The following RAB27A variants were observed in gnomAD, a reference collection of about 807,000 sequenced individuals.
RAB27A encodes ras-related protein Rab-27A.
RAB27A carries 17 observed loss-of-function variants against 20.8 expected under a neutral mutation model. That is an observed-to-expected ratio of 0.82 (90% confidence interval 0.56 to 1.23). RAB27A has a LOEUF of 1.23. RAB27A is among the 50% of genes most tolerant of loss of function. RAB27A has a pLI of 0.00. For missense variants in RAB27A, 277 were observed against 266.7 expected (o/e 1.04, Z -0.27); for synonymous variants, 85 against 92.8 (o/e 0.92, Z 0.48).
chr15:55,282,105 T>C (rs1410506266), intron 1 of RAB27A, among the ~76,000 whole-genome samples: 1 of 152,204 alleles, frequency 6.6e-6, no homozygotes, highest in African/African-American at 2.4e-5. Flanking sequence ...ATATACTTGT[T>C]TCACCTCCTA....
chr15:55,262,528 T>C (rs1412449911), intron 2 of RAB27A, among the ~76,000 whole-genome samples: 22 of 125,590 alleles, frequency 1.8e-4, no homozygotes, highest in African/African-American at 5.7e-4. Flanking sequence ...GGCAACAGAG[T>C]GAGACTCTGA....
intron 3 of RAB27A, among the ~76,000 whole-genome samples, chr15:55,234,242 A>C (rs1212520458): frequency 6.6e-6 from 1 of 152,178 alleles, no homozygotes; most frequent in Non-Finnish European, 1.5e-5. Flanking sequence ...GTCCTTAAAA[A>C]ATAAATAAAT....
At chr15:55,249,827 T>C (rs964626141) in intron 2 of RAB27A, among the ~76,000 whole-genome samples, 1 of 152,186 alleles carries the variant, frequency 6.6e-6, no homozygotes, top group African/African-American at 2.4e-5. Context: ...TAAAGCATAA[T>C]AAAAGAACAA....
Position 55,230,424 on chromosome 15 carries a change from T to C in RAB27A, c.216A>G (p.Leu72=). The C allele has an allele frequency of 1.2e-6, 2 of 1,613,464 alleles. No individual in the cohort carries two copies. The highest frequency in any genetic ancestry group is 1.7e-6 in the Non-Finnish European group (2 of 1,179,380). Residue 72 remains leucine, a synonymous_variant, in exon 4 of 7, where the codon TTA becomes TTG. Coordinates refer to ENST00000336787, the MANE Select transcript of RAB27A (RefSeq NM_183235.3). ...ACCTCTCCTGCCCTGCTGTGTCCCA[T>C]AACTGCAGGTGGATTCTCTGGCCTC... ...TGRGQRIHLQ[L]WDTAGQERFR... is the part of the protein sequence containing the mutation.
rs541791636 is a variant in RAB27A at position 55,315,266 on chromosome 15, T to TG, written c.-233-1107dup. ...ACCTTATACAAAAATTAACTCAAGA[T>TG]GGACTAATAACTTAAATGGAAAACC... On this transcript the variant is annotated intron_variant, in intron 1 of 5. Coordinates refer to the RAB27A transcript ENST00000563262. Among the ~76,000 whole-genome samples the TG allele has an allele frequency of 5.6e-4, 86 of 152,262 alleles. 3 individuals are homozygous for TG. The South Asian group carries it at 0.018, about 31-fold the overall frequency.
chr15:55,239,452 C>G (rs1896393848), intron 2 of RAB27A, among the ~76,000 whole-genome samples: 1 of 152,042 alleles, frequency 6.6e-6, no homozygotes, highest in Non-Finnish European at 1.5e-5. Flanking sequence ...TATTCTGTAT[C>G]CAAAAATTTA....
intron 6 of RAB27A, among the ~76,000 whole-genome samples, chr15:55,217,330 A>G (rs1895351977): frequency 6.6e-6 from 1 of 152,074 alleles, no homozygotes; most frequent in Non-Finnish European, 1.5e-5. Context: ...TGAGAGCCAT[A>G]GAAAAGACCC....
chr15:55,228,589 T>C lies in RAB27A; in HGVS notation c.343+20A>G, dbSNP rs1895902281. 6.5e-7 allele frequency: 1 copy of C among 1,531,898 alleles called. No individual in the cohort carries two copies. 94.9% of individuals were successfully genotyped at this position (1,531,898 alleles called of 1,614,324 possible). The stretch of plus-strand genomic sequence containing the variant: ...AAGAGGGGACTGTGTAGCAGGACAC[T>C]GGGGAACAATAACACTTACTTATCC... On this transcript the variant is annotated intron_variant, in intron 5 of 6. Transcript: ENST00000336787.
intron 2 of RAB27A, among the ~76,000 whole-genome samples, chr15:55,299,111 C>T (rs977328660): frequency 3.9e-5 from 6 of 152,130 alleles, no homozygotes; most frequent in Admixed American, 2.0e-4. Flanking sequence ...AAAATCACAA[C>T]GGTATTGATT....
chr15:55,232,018 C>G (rs1349325589), intron 3 of RAB27A, among the ~76,000 whole-genome samples: 1 of 152,040 alleles, frequency 6.6e-6, no homozygotes, highest in Non-Finnish European at 1.5e-5. Flanking sequence ...CTACAAATGC[C>G]CAGGAAAGAT....
intron 1 of RAB27A, among the ~76,000 whole-genome samples, chr15:55,316,234 CAAAAA>C (rs1186678422): frequency 1.9e-5 from 1 of 53,920 alleles, no homozygotes; most frequent in Non-Finnish European, 4.1e-5. Context: ...GACTCCGTCT[CAAAAA>C]AAAAAAAAAA....
Position 55,222,174 on chromosome 15 carries a change from C to T in RAB27A, c.467+1715G>A, listed in dbSNP as rs553144243. On this transcript the variant is annotated intron_variant, in intron 6 of 6. Transcript: ENST00000336787. ...ATGTCTGATGGTCAGAGGTGAAGCC[C>T]AGACATGAGAATGTGTTAAAAGTTC... 4.6e-5 allele frequency among the ~76,000 whole-genome samples: 7 copies of T among 152,070 alleles called. No homozygotes were observed. In the South Asian group the frequency reaches 1.2e-3, roughly 27 times the overall value.
At chr15:55,276,841 T>C (rs1897887765) in intron 1 of RAB27A, among the ~76,000 whole-genome samples, 1 of 152,136 alleles carries the variant, frequency 6.6e-6, no homozygotes. Context: ...AATGCAATAA[T>C]AATAAAACAG....
chr15:55,245,238 A>T (rs1896642505), intron 2 of RAB27A, among the ~76,000 whole-genome samples: 1 of 152,208 alleles, frequency 6.6e-6, no homozygotes, highest in African/African-American at 2.4e-5. Flanking sequence ...AAGTGGAGAC[A>T]GCCTATGTCT....
chr15:55,289,454 G>A (rs1474779424), intron 1 of RAB27A: 1 of 152,498 alleles, frequency 6.6e-6, no homozygotes. Context: ...CCTCCCACCT[G>A]GATGCAACCC....
exon 1 of RAB27A, chr15:55,318,946 G>T: frequency 3.0e-6 from 1 of 329,058 alleles, no homozygotes; most frequent in South Asian, 4.9e-5. Context: ...ACTGTTCTGC[G>T]CCTGCTCCAC....
At chr15:55,211,592 T>C (rs1327120655) in intron 6 of RAB27A, among the ~76,000 whole-genome samples, 6 of 152,222 alleles carry the variant, frequency 3.9e-5, no homozygotes, top group Non-Finnish European at 8.8e-5. Context: ...ATGATTTTTG[T>C]ATGTTGATTT....
At chr15:55,264,790 A>G (rs1002557607) in intron 2 of RAB27A, among the ~76,000 whole-genome samples, 1 of 152,204 alleles carries the variant, frequency 6.6e-6, no homozygotes, top group African/African-American at 2.4e-5. Flanking sequence ...AAATTCATTC[A>G]GTCATTTAAG....
intron 5 of RAB27A, among the ~76,000 whole-genome samples, chr15:55,226,512 TG>T (rs1210134301): frequency 1.0e-5 from 1 of 96,288 alleles, no homozygotes; most frequent in Non-Finnish European, 2.0e-5. Context: ...TATGTATTTG[TG>T]TGTGTGTGTG....
Sources: allele counts gnomAD v4.1 joint callset (sites outside exome capture counted in the v4.1 genomes callset), GRCh38; gene constraint gnomAD v4.1.1; transcripts MANE v1.5; gene names NCBI Gene and HGNC (gene_info 2026-07-23, HGNC 2026-07-21).